The following COA1 variants were observed in gnomAD, a reference collection of about 807,000 sequenced individuals.
The protein encoded by COA1 is cytochrome c oxidase assembly factor 1, also known as cytochrome c oxidase assembly factor 1 homolog.
In COA1, 13 loss-of-function variants were observed where a neutral mutation model predicts 16.0. That is an observed-to-expected ratio of 0.81 (90% confidence interval 0.53 to 1.29). COA1 has a LOEUF of 1.29. COA1 is among the 50% of genes most tolerant of loss of function. The pLI is 0.00. For synonymous variants in COA1, 65 were observed against 65.7 expected (o/e 0.99, Z 0.05); for missense variants, 179 against 177.0 (o/e 1.01, Z -0.06).
At chr7:43,665,300 A>T (rs894659517) in intron 1 of COA1, among the ~76,000 whole-genome samples, 4 of 152,196 alleles carry the variant, frequency 2.6e-5, no homozygotes, top group Admixed American at 6.5e-5. Flanking sequence ...AATTATACAC[A>T]GTATTTAACG....
chr7:43,644,752 A>AGATAGATT (rs1554501315), intron 4 of COA1, among the ~76,000 whole-genome samples: 4 of 89,714 alleles, frequency 4.5e-5, no homozygotes, highest in African/African-American at 1.2e-4. Flanking sequence ...ATAGATAGAT[A>AGATAGATT]GATAGATAGG....
At chr7:43,611,063 G>A (rs1376547363) in intron 6 of COA1, among the ~76,000 whole-genome samples, 1 of 152,206 alleles carries the variant, frequency 6.6e-6, no homozygotes, top group African/African-American at 2.4e-5. Context: ...GTTGCAGTGA[G>A]CCGAGATTGC....
At chr7:43,701,736 C>A (rs2094749817) in intron 1 of COA1, among the ~76,000 whole-genome samples, 1 of 152,180 alleles carries the variant, frequency 6.6e-6, no homozygotes, top group Non-Finnish European at 1.5e-5. Flanking sequence ...CTTTTCTCTG[C>A]AACCTTGCCA....
intron 1 of COA1, among the ~76,000 whole-genome samples, chr7:43,691,449 G>C (rs181607780): frequency 2.0e-5 from 3 of 146,736 alleles, no homozygotes. Flanking sequence ...AAGAAAGAAA[G>C]AAAGAAAGAA....
At chr7:43,708,749 T>G (rs937726185) in intron 1 of COA1, among the ~76,000 whole-genome samples, 1 of 152,144 alleles carries the variant, frequency 6.6e-6, no homozygotes, top group Non-Finnish European at 1.5e-5. Flanking sequence ...TTCTCTCTTA[T>G]CTTTTATTAC....
At chr7:43,648,381 A>C in intron 2 of COA1, 1 of 635,888 alleles carries the variant, frequency 1.6e-6, no homozygotes, top group Non-Finnish European at 2.8e-6. Context: ...AGGTTCCCAG[A>C]GTGTTACAGC....
intron 4 of COA1, among the ~76,000 whole-genome samples, chr7:43,642,355 C>G (rs544871191): frequency 8.5e-5 from 13 of 152,254 alleles, no homozygotes; most frequent in East Asian, 5.8e-4. Context: ...GAGAGTGAGG[C>G]AGGAGAATCG....
At chr7:43,676,011 TTC>T (rs1343811904) in intron 1 of COA1, among the ~76,000 whole-genome samples, 12 of 152,190 alleles carry the variant, frequency 7.9e-5, no homozygotes, top group Admixed American at 6.5e-4. Context: ...CTGCTTCTTA[TTC>T]TCACTTATGG....
At chr7:43,682,810 C>G (rs1311172433) in intron 1 of COA1, among the ~76,000 whole-genome samples, 1 of 152,008 alleles carries the variant, frequency 6.6e-6, no homozygotes, top group Non-Finnish European at 1.5e-5. Flanking sequence ...TTTGAGGAGA[C>G]AGCCTACCTA....
rs1194940018 is a variant in COA1 at position 43,664,102 on chromosome 7, A to AG, written c.-38-15451_-38-15450insC. Among the ~76,000 whole-genome samples the AG allele has an allele frequency of 3.4e-4, 41 of 121,760 alleles. 1 individual carries two copies. Among genetic ancestry groups the AG allele is most frequent in the East Asian group, 2.0e-3 (9 of 4,614 alleles). The allele number at this position is 121,760 out of a possible 152,430, so 79.9% of individuals were successfully genotyped here. The stretch of plus-strand genomic sequence containing the variant: ...GGAATCATTTAGTATTTGTCTTTAG[A>AG]AAGAGAGAGAGAGAGAGAGAGAGAG... On this transcript the variant is annotated intron_variant, in intron 1 of 5. Coordinates refer to ENST00000223336, the MANE Select transcript of COA1 (RefSeq NM_018224.4).
At chr7:43,679,840 CTA>C (rs1361041570) in intron 1 of COA1, among the ~76,000 whole-genome samples, 5 of 151,926 alleles carry the variant, frequency 3.3e-5, no homozygotes, top group Non-Finnish European at 5.9e-5. Context: ...GATGCAGATT[CTA>C]TGTGTTTTCT....
intron 1 of COA1, among the ~76,000 whole-genome samples, chr7:43,690,859 C>T (rs771976215): frequency 2.0e-5 from 3 of 151,792 alleles, no homozygotes; most frequent in Non-Finnish European, 4.4e-5. Context: ...ATGGAATATC[C>T]TCTTCCCTAT....
intron 1 of COA1, among the ~76,000 whole-genome samples, chr7:43,661,897 A>G (rs1330565993): frequency 6.6e-6 from 1 of 152,248 alleles, no homozygotes; most frequent in Non-Finnish European, 1.5e-5. Context: ...AAAGTAATGA[A>G]TATGAATTTT....
At chr7:43,679,314 CA>C (rs796633910) in intron 1 of COA1, among the ~76,000 whole-genome samples, 12 of 129,438 alleles carry the variant, frequency 9.3e-5, no homozygotes, top group African/African-American at 1.4e-4. Flanking sequence ...TATTTTACCA[CA>C]AAAAAAAAAG....
At chr7:43,650,210 G>C (rs1049757199) in intron 1 of COA1, 6 of 152,162 alleles carry the variant, frequency 3.9e-5, no homozygotes, top group African/African-American at 1.4e-4. Flanking sequence ...GTGGGCAGAT[G>C]GGGGAGAGAA....
At chr7:43,662,065 G>A (rs2153165991) in intron 1 of COA1, among the ~76,000 whole-genome samples, 1 of 152,302 alleles carries the variant, frequency 6.6e-6, no homozygotes, top group East Asian at 1.9e-4. Flanking sequence ...TCAGCCTTCA[G>A]ATTACATATG....
chr7:43,682,661 T>C (rs1306065602), intron 1 of COA1, among the ~76,000 whole-genome samples: 1 of 152,220 alleles, frequency 6.6e-6, no homozygotes, highest in Non-Finnish European at 1.5e-5. Flanking sequence ...CATTTTAGGA[T>C]GATTTTTTTT....
intron 1 of COA1, among the ~76,000 whole-genome samples, chr7:43,724,618 C>T (rs986652756): frequency 4.0e-5 from 6 of 151,866 alleles, no homozygotes; most frequent in African/African-American, 1.5e-4. Context: ...CACAGCAGCA[C>T]TATTCACAAT....
At chr7:43,659,416 CA>C (rs1390998680) in intron 1 of COA1, among the ~76,000 whole-genome samples, 7 of 152,082 alleles carry the variant, frequency 4.6e-5, no homozygotes, top group African/African-American at 7.2e-5. Context: ...TCTGCTTGAA[CA>C]AATACATTTC....
Sources: gnomAD v4.1 joint callset for allele counts (sites outside exome capture counted in the v4.1 genomes callset) on GRCh38, gnomAD v4.1.1 for gene constraint, MANE v1.5 for transcripts, NCBI Gene and HGNC (gene_info 2026-07-23, HGNC 2026-07-21) for gene names.